Variants in SERPINB4 observed in about 807,000 individuals in gnomAD.
SERPINB4 encodes serpin family B member 4, also known as serpin B4.
SERPINB4 carries 39 observed loss-of-function variants against 33.2 expected under a neutral mutation model. The observed-to-expected ratio is 1.18, with a 90% confidence interval of 0.91 to 1.53. The LOEUF (loss-of-function observed/expected upper bound fraction) is 1.53, where lower values mean the gene tolerates loss of function less well. Among genes scored for constraint, SERPINB4 ranks in the 40% most tolerant of loss-of-function variants. SERPINB4 has a pLI of 0.00. For missense variants in SERPINB4, 564 were observed against 455.4 expected (o/e 1.24, Z -2.17); for synonymous variants, 191 against 166.4 (o/e 1.15, Z -1.14).
intron 1 of SERPINB4, 120 bp from the exon 2 acceptor site, chr18:63,643,723 C>T: frequency 1.8e-6 from 2 of 1,140,500 alleles, no homozygotes; most frequent in Middle Eastern, 2.5e-4. Context: ...TAAAGTTTTT[C>T]TCTTATTTTT....
chr18:63,637,873 C>T lies in SERPINB4; in HGVS notation c.1019G>A (p.Gly340Glu). The stretch of plus-strand genomic sequence containing the variant: ...AGCGGTGGCAGCTGCAGCTTCCACT[C>T]CCTCCTCAGTGACCTCCACAAAGGC... ...HKAFVEVTEE[G>E]VEAAAATAVV... Residue 340 changes from glycine (G) to glutamate (E), a missense_variant, in exon 8 of 8, where the codon GGA (glycine) becomes GAA (glutamate). Transcript: ENST00000341074. 2.5e-6 allele frequency: 4 copies of T among 1,613,504 alleles called. No homozygotes were observed. Among genetic ancestry groups the T allele is most frequent in the South Asian group, 1.1e-5 (1 of 91,066 alleles).
At chr18:63,641,110 T>A in intron 4 of SERPINB4, 119 bp from the exon 5 acceptor site, 1 of 774,306 alleles carries the variant, frequency 1.3e-6, no homozygotes, top group Non-Finnish European at 2.1e-6. Context: ...ATGCAGTATC[T>A]CCTGTCCATG....
At position 63,638,044 on chromosome 18, in the gene SERPINB4, T is replaced by C. The variant is rs1045851636; in HGVS notation, c.848A>G (p.His283Arg). The C allele has an allele frequency of 1.9e-6, 3 of 1,613,436 alleles. No homozygotes were observed. Among genetic ancestry groups the C allele is most frequent in the Non-Finnish European group, 2.5e-6 (3 of 1,179,720 alleles). The change falls in exon 8 of 8, where the codon CAC (histidine) becomes CGC (arginine). Residue 283 changes from histidine to arginine, a missense_variant. Transcript: ENST00000341074. ...CTCTTCCATTTTGAACCGAGGTAAGTGTAAATCGACACATGTCTCTCTCAT... is the reference window on the plus strand; with the variant it reads ...CTCTTCCATTTTGAACCGAGGTAAGCGTAAATCGACACATGTCTCTCTCAT... ...QNMRETCVDL[H>R]LPRFKMEESY...
In SERPINB4 at chr18:63,641,742, T is replaced by C. The variant is rs1338049739; in HGVS notation, c.351+18A>G. On this transcript the variant is annotated intron_variant, in intron 4 of 7. Transcript: ENST00000341074. ...CATCAGGATGCAAATGAAATGTGGG[T>C]AGGCCAGGTGAAATTACCTGTAAAA... The C allele has an allele frequency of 6.2e-7, 1 of 1,613,050 alleles. No homozygotes were observed. The highest frequency in any genetic ancestry group is 2.2e-5 in the East Asian group (1 of 44,866).
At chr18:63,639,053 G>A in intron 7 of SERPINB4, 132 bp downstream of exon 7, 2 of 1,056,852 alleles carry the variant, frequency 1.9e-6, no homozygotes, top group Non-Finnish European at 2.6e-6. Flanking sequence ...ATGAAGGTGA[G>A]TCATCATTCC....
chr18:63,638,223 A>T, intron 7 of SERPINB4, 100 bp from the exon 8 acceptor site: 1 of 1,345,922 alleles, frequency 7.4e-7, no homozygotes, highest in Non-Finnish European at 1.0e-6. Context: ...TTTGGCAATA[A>T]ATGTGAAATA....
At chr18:63,640,682 T>C (rs1913096738) in intron 5 of SERPINB4, among the ~76,000 whole-genome samples, 192 bp downstream of exon 5, 1 of 152,072 alleles carries the variant, frequency 6.6e-6, no homozygotes, top group Non-Finnish European at 1.5e-5. Context: ...ATTGGCTTCC[T>C]GTGATTTCCT....
chr18:63,638,952 A>G (rs1490517401), intron 7 of SERPINB4, among the ~76,000 whole-genome samples: 1 of 152,070 alleles, frequency 6.6e-6, no homozygotes, highest in Non-Finnish European at 1.5e-5. Flanking sequence ...CCTAAAGCTT[A>G]AAGTATTATA....
At chr18:63,642,193 GT>G (rs764222088) in intron 3 of SERPINB4, among the ~76,000 whole-genome samples, 1 of 152,116 alleles carries the variant, frequency 6.6e-6, no homozygotes, top group Non-Finnish European at 1.5e-5. Context: ...TAGCTTCCCA[GT>G]TAAACTCTCA....
chr18:63,638,762 T>C (rs969180863), intron 7 of SERPINB4, among the ~76,000 whole-genome samples: 14 of 132,478 alleles, frequency 1.1e-4, no homozygotes, highest in African/African-American at 3.5e-4. Context: ...AATTGAACAA[T>C]GAGAACACTT....
At chr18:63,641,325 A>T (rs72933786) in intron 4 of SERPINB4, among the ~76,000 whole-genome samples, 8,935 of 152,012 alleles carry the variant, frequency 0.059, 382 homozygotes, top group Non-Finnish European at 0.093. Context: ...GATGTTTCTG[A>T]TCTTTGTTTT....
At chr18:63,638,697 A>C (rs1316191515) in intron 7 of SERPINB4, among the ~76,000 whole-genome samples, 2 of 151,400 alleles carry the variant, frequency 1.3e-5, no homozygotes, top group Non-Finnish European at 2.9e-5. Flanking sequence ...AATGCATGTA[A>C]CTCTAATAAA....
chr18:63,641,930 A>G (rs371052412), intron 3 of SERPINB4, 42 bp from the exon 4 acceptor site: 228 of 1,609,996 alleles, frequency 1.4e-4, no homozygotes, highest in Non-Finnish European at 1.8e-4. Flanking sequence ...TGCTGTATCA[A>G]TGTAAATACT....
rs1913138161 is a variant in SERPINB4 at position 63,641,745 on chromosome 18, G to A, written c.351+15C>T. 1.9e-6 allele frequency: 3 copies of A among 1,613,092 alleles called. No homozygotes were observed. Among genetic ancestry groups the A allele is most frequent in the East Asian group, 2.2e-5 (1 of 44,864 alleles). ...CAGGATGCAAATGAAATGTGGGTAG[G>A]CCAGGTGAAATTACCTGTAAAAATT... On this transcript the variant is annotated intron_variant, in intron 4 of 7. Coordinates refer to ENST00000341074, the MANE Select transcript of SERPINB4 (RefSeq NM_002974.4).
intron 6 of SERPINB4, 124 bp downstream of exon 6, chr18:63,639,509 TA>T: frequency 9.8e-7 from 1 of 1,020,082 alleles, no homozygotes; most frequent in Non-Finnish European, 1.4e-6. Flanking sequence ...GTTATAAGAG[TA>T]AAACAACAAA....
At chr18:63,638,221 T>G in intron 7 of SERPINB4, 98 bp from the exon 8 acceptor site, 1 of 1,379,380 alleles carries the variant, frequency 7.2e-7, no homozygotes, top group Non-Finnish European at 9.7e-7. Flanking sequence ...ATTTTGGCAA[T>G]AAATGTGAAA....
chr18:63,640,805 C>T (rs1913100579), intron 5 of SERPINB4, 69 bp downstream of exon 5: 3 of 1,310,078 alleles, frequency 2.3e-6, no homozygotes, highest in Middle Eastern at 2.6e-4. Flanking sequence ...TTCCCCCATG[C>T]AGTGTCAAGC....
rs747390315 is a variant in SERPINB4 at position 63,643,434 on chromosome 18, G to C, written c.144C>G (p.Asn48Lys). ...CTACCTTGCTAATTTGTTGTGCAGTGTTGTCTTTGGCTCCTAAGAGGACCA... is the reference window on the plus strand; with the variant it reads ...CTACCTTGCTAATTTGTTGTGCAGTCTTGTCTTTGGCTCCTAAGAGGACCA... ...LGMVLLGAKD[N>K]TAQQISKVLH... The change falls in exon 2 of 8, where the codon AAC (asparagine) becomes AAG (lysine). Residue 48 changes from asparagine (N) to lysine (K), a missense_variant. Physicochemically the swap from Asn to Lys is moderately conservative, Grantham distance 94. Coordinates refer to ENST00000341074, the MANE Select transcript of SERPINB4 (RefSeq NM_002974.4). 1 of 1,613,720 alleles carries C rather than the reference G, an allele frequency of 6.2e-7. No homozygotes were observed. Among genetic ancestry groups the C allele is most frequent in the Non-Finnish European group, 8.5e-7 (1 of 1,179,730 alleles).
At chr18:63,643,274 A>T (rs372998586) in intron 2 of SERPINB4, 57 bp from the exon 3 acceptor site, 1 of 1,612,608 alleles carries the variant, frequency 6.2e-7, no homozygotes, top group Non-Finnish European at 8.5e-7. Flanking sequence ...TGTTTAAGTC[A>T]GTGGTCTCAC....
Sources: gnomAD v4.1 joint callset for allele counts (sites outside exome capture counted in the v4.1 genomes callset) on GRCh38, gnomAD v4.1.1 for gene constraint, MANE v1.5 for transcripts, NCBI Gene and HGNC (gene_info 2026-07-23, HGNC 2026-07-21) for gene names.